The following FHOD3 variants were observed in gnomAD, a reference collection of about 807,000 sequenced individuals.
FHOD3 encodes the protein FH1/FH2 domain-containing protein 3.
In FHOD3, 90 loss-of-function variants were observed where a neutral mutation model predicts 173.0. The ratio of observed to expected loss-of-function variants is 0.52; its 90% CI spans 0.44 to 0.62. FHOD3 has a LOEUF of 0.62. Ranked by LOEUF, FHOD3 falls within the 20% of genes least tolerant of loss-of-function variation. FHOD3 has a pLI of 0.00. For synonymous variants in FHOD3, 828 were observed against 823.0 expected, an observed-to-expected ratio of 1.01 and a Z score of -0.10; for missense variants, 1,945 against 2,034.7, an observed-to-expected ratio of 0.96 and a Z score of 0.85.
chr18:36,666,242 G>A (rs1756933412), intron 14 of FHOD3, among the ~76,000 whole-genome samples: 1 of 152,202 alleles, frequency 6.6e-6, no homozygotes, highest in Non-Finnish European at 1.5e-5. Flanking sequence ...AAAGCAAGAG[G>A]GAGACTGAAA....
chr18:36,763,095 CGTATTATACACGTTATATATAATATGT>C (rs2042966370), intron 27 of FHOD3, among the ~76,000 whole-genome samples: 41 of 112,594 alleles, frequency 3.6e-4, no homozygotes, highest in Middle Eastern at 6.4e-3. Flanking sequence ...ATATAATATG[CGTATTATACACGTTATATATAATATGT>C]GTATTATACA....
Position 36,337,764 on chromosome 18 carries a change from A to G in FHOD3, c.166-17775A>G, listed in dbSNP as rs144903894. 6.6e-5 allele frequency among the ~76,000 whole-genome samples: 10 copies of G among 152,308 alleles called. No homozygotes were observed. In the East Asian group the frequency reaches 1.5e-3, roughly 24 times the overall value. ...GGAGTACAGGGACCAGTCTTTAATTATAGCTCACACCAACCCTATACTTTG... is the reference window on the plus strand; with the variant it reads ...GGAGTACAGGGACCAGTCTTTAATTGTAGCTCACACCAACCCTATACTTTG... On this transcript the variant is annotated intron_variant, in intron 1 of 28. Coordinates refer to ENST00000590592, the MANE Select transcript of FHOD3 (RefSeq NM_001281740.3).
At chr18:36,470,663 G>C (rs111842299) in intron 3 of FHOD3, among the ~76,000 whole-genome samples, 1 of 151,332 alleles carries the variant, frequency 6.6e-6, no homozygotes, top group Non-Finnish European at 1.5e-5. Flanking sequence ...CATTGGCTTT[G>C]TTTGTTCCCT....
At chr18:36,669,452 T>C (rs2037392511) in intron 14 of FHOD3, among the ~76,000 whole-genome samples, 1 of 151,984 alleles carries the variant, frequency 6.6e-6, no homozygotes, top group African/African-American at 2.4e-5. Flanking sequence ...TTTGAGTTTA[T>C]ATTTTTTATT....
At chr18:36,510,996 A>G (rs1385088457) in intron 4 of FHOD3, among the ~76,000 whole-genome samples, 1 of 152,180 alleles carries the variant, frequency 6.6e-6, no homozygotes, top group Non-Finnish European at 1.5e-5. Context: ...ATGCCATAAA[A>G]ATCAAAATAA....
chr18:36,548,124 G>A (rs1369506785), intron 5 of FHOD3, among the ~76,000 whole-genome samples: 1 of 152,080 alleles, frequency 6.6e-6, no homozygotes, highest in Non-Finnish European at 1.5e-5. Flanking sequence ...CCCAGGAGGC[G>A]GAGGTTGCAG....
intron 3 of FHOD3, among the ~76,000 whole-genome samples, chr18:36,434,023 G>A (rs2050689376): frequency 6.6e-6 from 1 of 152,150 alleles, no homozygotes; most frequent in Admixed American, 6.5e-5. Flanking sequence ...CCCACCTGTA[G>A]CTTCCAAGCC....
chr18:36,297,808 G>A lies in FHOD3; in HGVS notation c.-28G>A, dbSNP rs1237574393. The A allele has an allele frequency of 1.3e-6, 2 of 1,493,316 alleles. No homozygotes were observed. Among genetic ancestry groups the A allele is most frequent in the South Asian group, 1.3e-5 (1 of 78,930 alleles). The allele number at this position is 1,493,316 out of a possible 1,614,324, so 92.5% of individuals were successfully genotyped here. A position where few individuals can be genotyped will look rare whatever the true frequency, so the allele number is the denominator to read the frequency against. On this transcript the variant is annotated 5_prime_UTR_variant, in exon 1 of 29. Transcript: ENST00000590592. ...GGCCCGCGGCCCCGCTAACCCCGGGGCCCGCGCCCCCGCGGCAGGGATGCA... is the reference window on the plus strand; with the variant it reads ...GGCCCGCGGCCCCGCTAACCCCGGGACCCGCGCCCCCGCGGCAGGGATGCA...
At chr18:36,386,479 C>A (rs529302958) in intron 3 of FHOD3, among the ~76,000 whole-genome samples, 2 of 152,204 alleles carry the variant, frequency 1.3e-5, no homozygotes, top group Admixed American at 6.5e-5. Flanking sequence ...TTTCCGTGCC[C>A]GTTAGAGACA....
intron 2 of FHOD3, among the ~76,000 whole-genome samples, chr18:36,361,606 A>T (rs2046620533): frequency 6.6e-6 from 1 of 151,492 alleles, no homozygotes. Flanking sequence ...GAATTGCTTG[A>T]ACCCAGGAGG....
chr18:36,401,128 TC>T (rs1384389976), intron 3 of FHOD3, among the ~76,000 whole-genome samples: 2 of 151,806 alleles, frequency 1.3e-5, no homozygotes, highest in South Asian at 2.1e-4. Flanking sequence ...AATATTGGTG[TC>T]CCCCCAGATT....
chr18:36,300,109 T>C (rs2091920637), intron 1 of FHOD3, among the ~76,000 whole-genome samples: 1 of 152,230 alleles, frequency 6.6e-6, no homozygotes, highest in Non-Finnish European at 1.5e-5. Context: ...CCTTTCATAC[T>C]ACACAGCTCC....
At chr18:36,735,049 G>C (rs1028136317) in intron 20 of FHOD3, among the ~76,000 whole-genome samples, 1 of 152,026 alleles carries the variant, frequency 6.6e-6, no homozygotes, top group Non-Finnish European at 1.5e-5. Context: ...CAAGTAAAAT[G>C]GCATCAAATT....
intron 3 of FHOD3, among the ~76,000 whole-genome samples, chr18:36,439,994 C>T (rs888818489): frequency 1.3e-5 from 2 of 152,142 alleles, no homozygotes; most frequent in East Asian, 1.9e-4. Context: ...CTCACAGACA[C>T]ACCCAGAAAT....
chr18:36,428,528 C>T (rs1257599254), intron 3 of FHOD3, among the ~76,000 whole-genome samples: 1 of 152,040 alleles, frequency 6.6e-6, no homozygotes, highest in Non-Finnish European at 1.5e-5. Flanking sequence ...GCCAGAAGAG[C>T]AACGAGGCTT....
intron 5 of FHOD3, among the ~76,000 whole-genome samples, chr18:36,564,826 G>A (rs781131606): frequency 6.6e-6 from 1 of 151,910 alleles, no homozygotes; most frequent in Non-Finnish European, 1.5e-5. Context: ...CTTTTTTGGG[G>A]GACCTTTTTT....
rs376781938 is a variant in FHOD3 at position 36,573,059 on chromosome 18, G to C, written c.512-3392G>C. Among the ~76,000 whole-genome samples, 449 of 152,070 alleles carry C rather than the reference G, an allele frequency of 3.0e-3. 1 individual carries two copies. Among genetic ancestry groups the C allele is most frequent in the Non-Finnish European group, 5.2e-3 (355 of 67,978 alleles). Reference sequence around the variant, plus strand: ...GGCTGCATCTTTCTGCAGGAGGGTGGGGGTGGTGGTGGTAAGAAAGGATGC... The same window carrying C: ...GGCTGCATCTTTCTGCAGGAGGGTGCGGGTGGTGGTGGTAAGAAAGGATGC... On this transcript the variant is annotated intron_variant, in intron 5 of 28. Coordinates refer to ENST00000590592, the MANE Select transcript of FHOD3 (RefSeq NM_001281740.3).
chr18:36,310,959 G>T (rs1275136742), intron 1 of FHOD3, among the ~76,000 whole-genome samples: 1 of 152,138 alleles, frequency 6.6e-6, no homozygotes, highest in Non-Finnish European at 1.5e-5. Flanking sequence ...GTTGACTGGG[G>T]AGCAGAGGCT....
chr18:36,349,551 A>G (rs2046020766), intron 1 of FHOD3, among the ~76,000 whole-genome samples: 1 of 152,198 alleles, frequency 6.6e-6, no homozygotes, highest in Admixed American at 6.5e-5. Flanking sequence ...CCTAGTATAT[A>G]TTTATAGAAC....
Sources: gnomAD v4.1 joint callset for allele counts (sites outside exome capture counted in the v4.1 genomes callset) on GRCh38, gnomAD v4.1.1 for gene constraint, MANE v1.5 for transcripts, NCBI Gene and HGNC (gene_info 2026-07-23, HGNC 2026-07-21) for gene names.